The following KIAA1755 variants were observed in gnomAD, a reference collection of about 807,000 sequenced individuals.
The protein encoded by KIAA1755 is KIAA1755.
In KIAA1755, 68 loss-of-function variants were observed where a neutral mutation model predicts 91.7. The ratio of observed to expected loss-of-function variants is 0.74; its 90% CI spans 0.61 to 0.91. The LOEUF (loss-of-function observed/expected upper bound fraction) is 0.91. Ranked by LOEUF, KIAA1755 falls within the 40% of genes least tolerant of loss-of-function variation. The pLI is 0.00. For synonymous variants in KIAA1755, 610 were observed against 604.6 expected, an observed-to-expected ratio of 1.01 and a Z score of -0.13; for missense variants, 1,535 against 1,494.4, an observed-to-expected ratio of 1.03 and a Z score of -0.45.
chr20:38,245,782 C>G (rs112127531), intron 2 of KIAA1755, 147 bp downstream of exon 2: 1 of 683,804 alleles, frequency 1.5e-6, no homozygotes, highest in Non-Finnish European at 2.5e-6. Flanking sequence ...TCCCCCTGGG[C>G]AAGCAATGAT....
At position 38,213,330 on chromosome 20, in the gene KIAA1755, C is replaced by G; in HGVS notation, c.3315G>C (p.Lys1105Asn). Reference protein sequence around the residue: ...LDSLGMDHLPKSYWPPGPPRG... With the variant: ...LDSLGMDHLPNSYWPPGPPRG... ...TGGGGGGCCCAGGAGGCCAATAGGACTTTGGCAAATGGTCCATGCCCAGTG... is the reference window on the plus strand; with the variant it reads ...TGGGGGGCCCAGGAGGCCAATAGGAGTTTGGCAAATGGTCCATGCCCAGTG... Residue 1105 changes from lysine to asparagine, a missense_variant, in exon 14 of 14, where the codon AAG (lysine) becomes AAC (asparagine). Physicochemically the swap from Lys to Asn is moderately conservative, Grantham distance 94 (BLOSUM62 0). Coordinates refer to ENST00000279024, the MANE Select transcript of KIAA1755 (RefSeq NM_001029864.2). 1.9e-6 allele frequency: 3 copies of G among 1,612,738 alleles called. No homozygotes were observed. The highest frequency in any genetic ancestry group is 2.5e-6 in the Non-Finnish European group (3 of 1,179,310).
chr20:38,222,528 C>T lies in KIAA1755; in HGVS notation c.2338G>A (p.Gly780Ser). ...EAVLRDPGLL[G>S]LQREGGATLA... The stretch of plus-strand genomic sequence containing the variant: ...GTGGCTCCACCTTCCCGCTGGAGGC[C>T]CAGTAGGCCGGGGTCCCTCAGCACA... The change falls in exon 10 of 14, where the codon GGC (glycine) becomes AGC (serine). Residue 780 changes from glycine to serine, a missense_variant. Transcript: ENST00000279024. 6.2e-7 allele frequency: 1 copy of T among 1,613,738 alleles called. No individual in the cohort carries two copies. Among genetic ancestry groups the T allele is most frequent in the Non-Finnish European group, 8.5e-7 (1 of 1,179,994 alleles).
intron 1 of KIAA1755, among the ~76,000 whole-genome samples, chr20:38,252,995 G>A (rs927469815): frequency 1.3e-5 from 2 of 152,170 alleles, no homozygotes; most frequent in African/African-American, 4.8e-5. Context: ...CACCAGACGT[G>A]GGCCCCTCAG....
At position 38,260,516 on chromosome 20, in the gene KIAA1755, G is replaced by A; in HGVS notation, c.-16C>T. Reference sequence around the variant, plus strand: ...GCGTTACCATGGTGACGGGCTGCCAGCGGCGGGCGGCGCGGCTCCTCTCCT... The same window carrying A: ...GCGTTACCATGGTGACGGGCTGCCAACGGCGGGCGGCGCGGCTCCTCTCCT... On this transcript the variant is annotated 5_prime_UTR_variant, in exon 1 of 14. Coordinates refer to ENST00000279024, the MANE Select transcript of KIAA1755 (RefSeq NM_001029864.2). 6.8e-7 allele frequency: 1 copy of A among 1,481,220 alleles called. No homozygotes were observed. The highest frequency in any genetic ancestry group is 8.9e-7 in the Non-Finnish European group (1 of 1,118,182). The allele number at this position is 1,481,220 out of a possible 1,614,324, so 91.8% of individuals were successfully genotyped here.
chr20:38,256,333 C>T lies in KIAA1755; in HGVS notation c.3+4165G>A, dbSNP rs530258245. Among the ~76,000 whole-genome samples, 29 of 152,354 alleles carry T rather than the reference C, an allele frequency of 1.9e-4. No individual in the cohort carries two copies. The South Asian group carries it at 6.0e-3, about 32-fold the overall frequency. On this transcript the variant is annotated intron_variant, in intron 1 of 13. Transcript: ENST00000279024. Reference sequence around the variant, plus strand: ...GTCAGTCAGCTCCCAGCTTACCTTCCCTACTTCTTCTAAACATACTTTATG... The same window carrying T: ...GTCAGTCAGCTCCCAGCTTACCTTCTCTACTTCTTCTAAACATACTTTATG...
At chr20:38,220,465 C>T (rs531310924) in intron 10 of KIAA1755, among the ~76,000 whole-genome samples, 1 of 152,262 alleles carries the variant, frequency 6.6e-6, no homozygotes, top group South Asian at 2.1e-4. Flanking sequence ...CAGGCACGCA[C>T]CACCATGCCG....
intron 12 of KIAA1755, 46 bp downstream of exon 12, chr20:38,218,198 C>T: frequency 6.2e-7 from 1 of 1,612,590 alleles, no homozygotes; most frequent in Non-Finnish European, 8.5e-7. Flanking sequence ...CCTCTAACGC[C>T]CTCTCCATCT....
Position 38,217,401 on chromosome 20 carries a change from T to C in KIAA1755, c.2753A>G (p.Glu918Gly). ...CTCTGGGAACTCTGCACGTTCTGCCTCCCCAGCCCCTCTGGCTGTAGCTCC... is the reference window on the plus strand; with the variant it reads ...CTCTGGGAACTCTGCACGTTCTGCCCCCCCAGCCCCTCTGGCTGTAGCTCC... ...QLGATARGAGEAERAEFPELA... is the reference protein window; with the variant it reads ...QLGATARGAGGAERAEFPELA... The change falls in exon 13 of 14, where the codon GAG becomes GGG. Residue 918 changes from glutamate (E) to glycine (G), a missense_variant. Physicochemically the swap from Glu to Gly is moderately conservative, Grantham distance 98. Transcript: ENST00000279024. The C allele has an allele frequency of 6.2e-7, 1 of 1,613,304 alleles. No homozygotes were observed. The highest frequency in any genetic ancestry group is 8.5e-7 in the Non-Finnish European group (1 of 1,179,762).
chr20:38,253,887 T>TTTCTC (rs1474832974), intron 1 of KIAA1755, among the ~76,000 whole-genome samples: 1 of 152,212 alleles, frequency 6.6e-6, no homozygotes, highest in Non-Finnish European at 1.5e-5. Context: ...AAGCTTTTCT[T>TTTCTC]TTCTTTTCTT....
chr20:38,231,736 C>T (rs1482374042), intron 4 of KIAA1755, among the ~76,000 whole-genome samples: 1 of 152,194 alleles, frequency 6.6e-6, no homozygotes, highest in African/African-American at 2.4e-5. Context: ...TAGGTTATTT[C>T]AAGGATGAAA....
intron 5 of KIAA1755, among the ~76,000 whole-genome samples, chr20:38,229,011 C>T (rs2075812281): frequency 6.6e-6 from 1 of 152,174 alleles, no homozygotes; most frequent in South Asian, 2.1e-4. Flanking sequence ...CCTCTCCCAT[C>T]CCCACCCCTC....
rs1168154611 is a variant in KIAA1755 at position 38,260,529 on chromosome 20, C to G, written c.-29G>C. ...GACGGGCTGCCAGCGGCGGGCGGCGCGGCTCCTCTCCTGGGCGCGGGGTCT... is the reference window on the plus strand; with the variant it reads ...GACGGGCTGCCAGCGGCGGGCGGCGGGGCTCCTCTCCTGGGCGCGGGGTCT... On this transcript the variant is annotated 5_prime_UTR_variant, in exon 1 of 14. Coordinates refer to ENST00000279024, the MANE Select transcript of KIAA1755 (RefSeq NM_001029864.2). The G allele has an allele frequency of 6.8e-7, 1 of 1,480,294 alleles. No homozygotes were observed. The highest frequency in any genetic ancestry group is 1.4e-5 in the African/African-American group (1 of 69,844). The allele number at this position is 1,480,294 out of a possible 1,614,324, so 91.7% of individuals were successfully genotyped here. A position where few individuals can be genotyped will look rare whatever the true frequency, so the allele number is the denominator to read the frequency against.
At chr20:38,242,047 G>T in intron 2 of KIAA1755, 118 bp from the exon 3 acceptor site, 1 of 982,932 alleles carries the variant, frequency 1.0e-6, no homozygotes, top group Non-Finnish European at 1.5e-6. Flanking sequence ...GGATGAGGCA[G>T]CATTTAGGAG....
intron 12 of KIAA1755, chr20:38,217,787 T>C (rs1447766131): frequency 5.9e-6 from 3 of 509,758 alleles, no homozygotes; most frequent in East Asian, 3.4e-5. Context: ...AGGCTCCTGC[T>C]CTGAGTCCCC....
chr20:38,222,576 T>C lies in KIAA1755; in HGVS notation c.2290A>G (p.Lys764Glu). 6.2e-7 allele frequency: 1 copy of C among 1,612,954 alleles called. No homozygotes were observed. Among genetic ancestry groups the C allele is most frequent in the Non-Finnish European group, 8.5e-7 (1 of 1,179,986 alleles). Residue 764 changes from lysine to glutamate, a missense_variant, in exon 10 of 14, where the codon AAG (lysine) becomes GAG (glutamate). By Grantham distance (56) the Lys-to-Glu change is moderately conservative. Coordinates refer to ENST00000279024, the MANE Select transcript of KIAA1755 (RefSeq NM_001029864.2). ...ACAGCCTCCATCAGCTCCTTGGACT[T>C]GCTCAGGCACCTGGTAGCCTCCTGC... Reference protein sequence around the residue: ...GMQEATRCLSKSKELMEAVLR... With the variant: ...GMQEATRCLSESKELMEAVLR...
rs775736012 is a variant in KIAA1755 at position 38,225,733 on chromosome 20, TG to T, written c.2100del (p.Ser701AlafsTer62). 1 of 1,608,336 alleles carries T rather than the reference TG, an allele frequency of 6.2e-7. No homozygotes were observed. Among genetic ancestry groups the T allele is most frequent in the Non-Finnish European group, 8.5e-7 (1 of 1,177,380 alleles). ...CCTTCCAGGACTGCGGGCAGCTGGC[TG>T]GGGTCCACATGGTGGCTGAGGGCCT... Reference protein sequence around the residue: ...SLKALSHHVDPSQLPAVLEGP... With the variant: ...SLKALSHHVDXSQLPAVLEGP... On this transcript the variant is annotated frameshift_variant, in exon 8 of 14. Transcript: ENST00000279024. LOFTEE classifies it high-confidence loss of function.
At chr20:38,251,969 C>T (rs1365615610) in intron 1 of KIAA1755, among the ~76,000 whole-genome samples, 5 of 152,148 alleles carry the variant, frequency 3.3e-5, no homozygotes, top group Non-Finnish European at 5.9e-5. Flanking sequence ...TAACCACTTA[C>T]CCAGATCAAG....
chr20:38,223,521 C>T lies in KIAA1755; in HGVS notation c.2268+17G>A. 6.4e-7 allele frequency: 1 copy of T among 1,555,368 alleles called. No homozygotes were observed. ...GGGTGTGATGTAGCTTCCCCAGTCA[C>T]CATGCTCCAGGCTCACCTGCATCCC... On this transcript the variant is annotated intron_variant, in intron 9 of 13. Coordinates refer to ENST00000279024, the MANE Select transcript of KIAA1755 (RefSeq NM_001029864.2).
rs976495839 is a variant in KIAA1755 at position 38,217,145 on chromosome 20, G to A, written c.2901+108C>T. The A allele has an allele frequency of 8.0e-5, 74 of 922,110 alleles. 1 individual carries two copies. The highest frequency in any genetic ancestry group is 2.1e-4 in the East Asian group (8 of 37,850). 57.1% of individuals were successfully genotyped at this position (922,110 alleles called of 1,614,324 possible). ...GTCTAGGTATCCAAGGGATGGGGGC[G>A]GTGTCTATGCAGTCAGGCCATGGGG... On this transcript the variant is annotated intron_variant, in intron 13 of 13. Coordinates refer to ENST00000279024, the MANE Select transcript of KIAA1755 (RefSeq NM_001029864.2).
Sources: gnomAD v4.1 joint callset for allele counts (sites outside exome capture counted in the v4.1 genomes callset) on GRCh38, gnomAD v4.1.1 for gene constraint, MANE v1.5 for transcripts, NCBI Gene and HGNC (gene_info 2026-07-23, HGNC 2026-07-21) for gene names.